The following VPS54 variants were observed in gnomAD, a reference collection of about 807,000 sequenced individuals.
The protein encoded by VPS54 is VPS54 subunit of GARP complex.
VPS54 carries 45 observed loss-of-function variants against 121.5 expected under a neutral mutation model. That is an observed-to-expected ratio of 0.37 (90% CI 0.29 to 0.47). The LOEUF is 0.47. VPS54 is among the 20% of genes least tolerant of loss of function. The pLI, the probability that VPS54 is intolerant of heterozygous loss-of-function variation, is 0.99. For synonymous variants in VPS54, 371 were observed against 385.8 expected (o/e 0.96, Z 0.45); for missense variants, 1,090 against 1,131.4 (o/e 0.96, Z 0.52).
At chr2:63,925,742 G>A (rs1004864765) in intron 12 of VPS54, among the ~76,000 whole-genome samples, 1 of 152,132 alleles carries the variant, frequency 6.6e-6, no homozygotes, top group African/African-American at 2.4e-5. Context: ...AGACAAAAGA[G>A]CAAATATATT....
chr2:63,942,085 T>G (rs1674766465), intron 11 of VPS54, among the ~76,000 whole-genome samples: 1 of 146,910 alleles, frequency 6.8e-6, no homozygotes, highest in Non-Finnish European at 1.5e-5. Context: ...ATAAACAATA[T>G]ATTTTAAAAC....
chr2:63,895,820 C>T (rs1672423069), intron 22 of VPS54, among the ~76,000 whole-genome samples: 1 of 152,126 alleles, frequency 6.6e-6, no homozygotes, highest in Non-Finnish European at 1.5e-5. Flanking sequence ...AGTGAGGATT[C>T]TCTAAGGTCA....
intron 12 of VPS54, among the ~76,000 whole-genome samples, chr2:63,928,382 C>T (rs1443196794): frequency 6.6e-6 from 1 of 152,080 alleles, no homozygotes; most frequent in African/African-American, 2.4e-5. Context: ...GAATTTTCAA[C>T]CCAGAATTTC....
In VPS54 at chr2:63,956,960, T is replaced by C. The variant is rs531822498; in HGVS notation, c.1010+5098A>G. ...ATTTTCTGTATCAAAACCTGCAAGA[T>C]ATCAACATTCGAATGCATTCTTGGG... On this transcript the variant is annotated intron_variant, in intron 7 of 22. Transcript: ENST00000272322. 1.1e-4 allele frequency among the ~76,000 whole-genome samples: 16 copies of C among 152,264 alleles called. No homozygotes were observed. In the East Asian group the frequency reaches 3.1e-3, roughly 29 times the overall value.
At chr2:64,006,775 C>T (rs955293210) in intron 1 of VPS54, among the ~76,000 whole-genome samples, 4 of 152,132 alleles carry the variant, frequency 2.6e-5, no homozygotes, top group African/African-American at 7.2e-5. Context: ...CATGCCACCA[C>T]GCCCAGCTAA....
intron 1 of VPS54, among the ~76,000 whole-genome samples, chr2:63,986,505 G>A (rs1345675860): frequency 3.3e-5 from 5 of 152,182 alleles, no homozygotes; most frequent in African/African-American, 1.2e-4. Context: ...TTACTCATTC[G>A]TCTGTTGATG....
At chr2:63,917,891 T>G (rs139836829) in intron 15 of VPS54, among the ~76,000 whole-genome samples, 1 of 151,994 alleles carries the variant, frequency 6.6e-6, no homozygotes, top group Admixed American at 6.6e-5. Flanking sequence ...GTTTCTAAAT[T>G]TGTAAAATAG....
intron 3 of VPS54, among the ~76,000 whole-genome samples, chr2:63,976,083 C>A (rs900724976): frequency 6.6e-6 from 1 of 152,050 alleles, no homozygotes; most frequent in South Asian, 2.1e-4. Flanking sequence ...GCTAAGAGTT[C>A]TTTTTTTAAA....
rs750212245 is a variant in VPS54, at chr2:63,947,375, A to G, written c.1245+8T>C. On this transcript the variant is annotated splice_region_variant and intron_variant, in intron 9 of 22. Transcript: ENST00000272322. ...ACCAAAATATGTCAAATAAAAATGC[A>G]TAATTACCTGTTTAATGATATTCTT... The G allele has an allele frequency of 4.4e-5, 67 of 1,536,348 alleles. No homozygotes were observed. Among genetic ancestry groups the G allele is most frequent in the Non-Finnish European group, 5.6e-5 (63 of 1,134,424 alleles).
chr2:64,003,758 TTTTC>T (rs1331264619), intron 1 of VPS54, among the ~76,000 whole-genome samples: 1 of 152,198 alleles, frequency 6.6e-6, no homozygotes, highest in African/African-American at 2.4e-5. Context: ...AGAGATTTGA[TTTTC>T]TTTCTTATAG....
At chr2:63,985,137 T>G (rs1446330013) in intron 1 of VPS54, among the ~76,000 whole-genome samples, 1 of 152,078 alleles carries the variant, frequency 6.6e-6, no homozygotes, top group African/African-American at 2.4e-5. Context: ...CTGAACGACA[T>G]GATGAAACCT....
At chr2:63,910,252 G>A (rs1558984351) in intron 20 of VPS54, among the ~76,000 whole-genome samples, 1 of 152,104 alleles carries the variant, frequency 6.6e-6, no homozygotes, top group African/African-American at 2.4e-5. Flanking sequence ...CAGGAAGAAT[G>A]TAATATGCCA....
At chr2:63,894,068 T>A (rs1224873594) in intron 22 of VPS54, among the ~76,000 whole-genome samples, 1 of 151,988 alleles carries the variant, frequency 6.6e-6, no homozygotes, top group African/African-American at 2.4e-5. Context: ...GAATAACCAA[T>A]AAACTGAAAA....
At chr2:63,945,064 T>C (rs1674915977) in intron 9 of VPS54, among the ~76,000 whole-genome samples, 1 of 152,168 alleles carries the variant, frequency 6.6e-6, no homozygotes, top group South Asian at 2.1e-4. Context: ...TAAAAATTGT[T>C]CTATTATTAA....
chr2:63,916,751 T>C (rs1339367196), intron 16 of VPS54, 149 bp downstream of exon 16: 1 of 702,352 alleles, frequency 1.4e-6, no homozygotes, highest in Non-Finnish European at 2.4e-6. Context: ...AAGTTTCCTT[T>C]AAGTTCTTTG....
intron 11 of VPS54, among the ~76,000 whole-genome samples, chr2:63,938,050 GGTGTGTGTGGTGTGTGTGT>G (rs1674536638): frequency 7.5e-6 from 1 of 134,110 alleles, no homozygotes; most frequent in African/African-American, 2.9e-5. Flanking sequence ...GTGTGTGTGT[GGTGTGTGTGGTGTGTGTGT>G]GTGTGTGTGT....
chr2:63,932,207 G>A (rs150633572), intron 12 of VPS54, among the ~76,000 whole-genome samples: 3,147 of 152,288 alleles, frequency 0.021, 57 homozygotes, highest in Middle Eastern at 0.037. Flanking sequence ...ACATGCACAC[G>A]TATGTTTACT....
At chr2:63,986,495 T>A (rs952272220) in intron 1 of VPS54, among the ~76,000 whole-genome samples, 1 of 152,234 alleles carries the variant, frequency 6.6e-6, no homozygotes, top group African/African-American at 2.4e-5. Flanking sequence ...CACATTTTCT[T>A]TACTCATTCG....
At chr2:63,953,797 A>G (rs1675369471) in intron 7 of VPS54, among the ~76,000 whole-genome samples, 1 of 152,208 alleles carries the variant, frequency 6.6e-6, no homozygotes, top group Non-Finnish European at 1.5e-5. Context: ...TGATACTTCC[A>G]TTTAAATTCA....
Sources: allele counts gnomAD v4.1 joint callset (sites outside exome capture counted in the v4.1 genomes callset), GRCh38; gene constraint gnomAD v4.1.1; transcripts MANE v1.5; gene names NCBI Gene and HGNC (gene_info 2026-07-23, HGNC 2026-07-21).